The following IPP variants were observed in gnomAD, a reference collection of about 807,000 sequenced individuals.
The protein encoded by IPP is actin-binding protein IPP.
A neutral mutation model predicts 64.1 loss-of-function variants in IPP; 41 were observed. The ratio of observed to expected loss-of-function variants is 0.64; its 90% CI spans 0.50 to 0.83. The LOEUF is 0.83. Among genes scored for constraint, IPP ranks in the 40% least tolerant of loss-of-function variants. The pLI, the probability that IPP is intolerant of heterozygous loss-of-function variation, is 0.00. For synonymous variants in IPP, 214 were observed against 235.2 expected, an observed-to-expected ratio of 0.91 and a Z score of 0.83; for missense variants, 649 against 703.0, an observed-to-expected ratio of 0.92 and a Z score of 0.87.
At position 45,719,340 on chromosome 1, in the gene IPP, C is replaced by T; in HGVS notation, c.1049G>A (p.Gly350Asp). The T allele has an allele frequency of 6.3e-7, 1 of 1,582,094 alleles. No individual in the cohort carries two copies. Among genetic ancestry groups the T allele is most frequent in the Non-Finnish European group, 8.6e-7 (1 of 1,162,724 alleles). ...VLGGMVYAIG[G>D]EKDSMIFDCT... ...ATCAAAAATCATTGAATCCTTTTCA[C>T]CTGAGTTAAATAAAAGAGACAAATA... Residue 350 changes from glycine (G) to aspartate (D), a missense_variant and splice_region_variant, in exon 6 of 9, where the codon GGT (glycine) becomes GAT (aspartate). Physicochemically the swap from Gly to Asp is moderately conservative, Grantham distance 94. Coordinates refer to ENST00000396478, the MANE Select transcript of IPP (RefSeq NM_005897.3).
At chr1:45,714,806 T>G (rs201718918) in intron 7 of IPP, among the ~76,000 whole-genome samples, 1 of 151,952 alleles carries the variant, frequency 6.6e-6, no homozygotes, top group South Asian at 2.1e-4. Flanking sequence ...TTTTTTTCCC[T>G]AAAAATGTCA....
intron 3 of IPP, among the ~76,000 whole-genome samples, chr1:45,735,414 A>AAGG (rs1051606388): frequency 7.3e-5 from 11 of 151,552 alleles, no homozygotes; most frequent in Non-Finnish European, 1.0e-4. Context: ...TTGTAGAAAC[A>AAGG]AGGTCTTGCT....
chr1:45,712,298 T>TAAAAAAAAAAAAAAAAAAAAA (rs71058702), intron 8 of IPP, among the ~76,000 whole-genome samples: 2 of 131,338 alleles, frequency 1.5e-5, no homozygotes, highest in African/African-American at 2.8e-5. Flanking sequence ...AGACGACGTC[T>TAAAAAAAAAAAAAAAAAAAAA]AAAAAAAAAA....
chr1:45,742,875 A>G (rs923143426), intron 2 of IPP, among the ~76,000 whole-genome samples: 1 of 152,114 alleles, frequency 6.6e-6, no homozygotes, highest in South Asian at 2.1e-4. Context: ...AGAAACTATT[A>G]AATACTTAAC....
At position 45,710,240 on chromosome 1, in the gene IPP, A is replaced by G. The variant is rs865953180; in HGVS notation, c.1530+4006T>C. Among the ~76,000 whole-genome samples the G allele has an allele frequency of 3.2e-3, 359 of 113,310 alleles. 3 individuals carry two copies. The highest frequency in any genetic ancestry group is 6.4e-3 in the African/African-American group (196 of 30,728). The allele number at this position is 113,310 out of a possible 152,430, so 74.3% of individuals were successfully genotyped here. ...GACTCTGTCTAAAAAAAAAAAAAAA[A>G]AGAGAGAAGCTCTTTGAGCTAAGAA... On this transcript the variant is annotated intron_variant, in intron 8 of 8. Transcript: ENST00000396478.
chr1:45,735,179 G>A (rs1645960986), intron 3 of IPP, among the ~76,000 whole-genome samples: 1 of 151,838 alleles, frequency 6.6e-6, no homozygotes, highest in South Asian at 2.1e-4. Context: ...AACCTCCTGG[G>A]TTCAAGTGAT....
At chr1:45,741,511 A>C (rs1270961859) in intron 2 of IPP, among the ~76,000 whole-genome samples, 179 bp from the exon 3 acceptor site, 1 of 152,178 alleles carries the variant, frequency 6.6e-6, no homozygotes, top group Non-Finnish European at 1.5e-5. Context: ...AACGATACCT[A>C]ACACATTTAT....
chr1:45,720,714 T>C (rs561063111), intron 5 of IPP, among the ~76,000 whole-genome samples: 1 of 152,310 alleles, frequency 6.6e-6, no homozygotes, highest in East Asian at 1.9e-4. Context: ...ATATGATTAC[T>C]TGATAGAAGA....
intron 1 of IPP, among the ~76,000 whole-genome samples, chr1:45,749,497 T>C (rs537181456): frequency 2.7e-5 from 4 of 150,284 alleles, no homozygotes; most frequent in Non-Finnish European, 4.4e-5. Context: ...ATTTTTTGTT[T>C]TTTTTTTTTG....
intron 3 of IPP, among the ~76,000 whole-genome samples, chr1:45,736,075 C>T (rs1041850974): frequency 2.0e-5 from 3 of 149,730 alleles, no homozygotes; most frequent in Non-Finnish European, 3.0e-5. Context: ...CACACCACTG[C>T]GTTCTAGCTT....
chr1:45,728,733 C>T (rs1645866188), intron 4 of IPP, among the ~76,000 whole-genome samples: 1 of 152,180 alleles, frequency 6.6e-6, no homozygotes, highest in Admixed American at 6.5e-5. Flanking sequence ...TGGGCTCACA[C>T]CATCCTCCCA....
Position 45,709,432 on chromosome 1 carries a change from C to CA in IPP, c.1530+4813dup, listed in dbSNP as rs71058701. On this transcript the variant is annotated intron_variant, in intron 8 of 8. Transcript: ENST00000396478. ...TGGGCGACAGAGCAAGACTCCGTCT[C>CA]AAAAAAAAAAAAAAAAAGAGAAGCT... Among the ~76,000 whole-genome samples the CA allele has an allele frequency of 6.4e-3, 421 of 66,154 alleles. 14 individuals are homozygous for CA. The highest frequency in any genetic ancestry group is 7.8e-3 in the Non-Finnish European group (304 of 38,918). 43.4% of individuals were successfully genotyped at this position (66,154 alleles called of 152,430 possible). A position where few individuals can be genotyped will look rare whatever the true frequency, so the allele number is the denominator to read the frequency against.
At chr1:45,725,973 C>T (rs1371223089) in intron 5 of IPP, among the ~76,000 whole-genome samples, 8 of 141,250 alleles carry the variant, frequency 5.7e-5, no homozygotes, top group African/African-American at 1.8e-4. Context: ...GGGTCCTCTG[C>T]CTAGGAAAAC....
chr1:45,695,850 G>C (rs1356053306), downstream of IPP, among the ~76,000 whole-genome samples: 7 of 152,134 alleles, frequency 4.6e-5, no homozygotes, highest in African/African-American at 1.4e-4. Context: ...TGTATTTTTA[G>C]TAGAGACAGG....
Position 45,727,631 on chromosome 1 carries a change from C to G in IPP, c.1048G>C (p.Gly350Arg). Reference protein sequence around the residue: ...VLGGMVYAIGGEKDSMIFDCT... With the variant: ...VLGGMVYAIGREKDSMIFDCT... ...GAAAATAAGACATTTTTATTATTAC[C>G]TCCAATAGCGTAGACCATCCCTCCC... Residue 350 changes from glycine to arginine, a missense_variant and splice_region_variant, in exon 5 of 9, where the codon GGT (glycine) becomes CGT (arginine). Coordinates refer to ENST00000396478, the MANE Select transcript of IPP (RefSeq NM_005897.3). 6.5e-7 allele frequency: 1 copy of G among 1,528,038 alleles called. No homozygotes were observed. Among genetic ancestry groups the G allele is most frequent in the Non-Finnish European group, 8.9e-7 (1 of 1,126,500 alleles). 94.7% of individuals were successfully genotyped at this position (1,528,038 alleles called of 1,614,324 possible).
chr1:45,727,123 C>T (rs1645839758), intron 5 of IPP, among the ~76,000 whole-genome samples: 1 of 152,030 alleles, frequency 6.6e-6, no homozygotes, highest in Non-Finnish European at 1.5e-5. Context: ...GATCATGGCT[C>T]ACTGCAACCT....
intron 3 of IPP, among the ~76,000 whole-genome samples, chr1:45,731,612 GAT>G (rs1288882649): frequency 6.6e-6 from 1 of 152,122 alleles, no homozygotes; most frequent in Non-Finnish European, 1.5e-5. Context: ...GTATGAGCAA[GAT>G]ATCAAGAAAG....
chr1:45,745,279 A>C lies in IPP; in HGVS notation c.292+841T>G, dbSNP rs182740863. Among the ~76,000 whole-genome samples, 224 of 152,272 alleles carry C rather than the reference A, an allele frequency of 1.5e-3. 3 individuals carry two copies. Among genetic ancestry groups the C allele is most frequent in the African/African-American group, 5.2e-3 (217 of 41,556 alleles). On this transcript the variant is annotated intron_variant, in intron 2 of 8. Coordinates refer to ENST00000396478, the MANE Select transcript of IPP (RefSeq NM_005897.3). The stretch of plus-strand genomic sequence containing the variant: ...GTAAAATAACATATGCTGATTATAA[A>C]CACTTTGTGGAAAAAAATTACCTAC...
chr1:45,702,734 C>T (rs1645471763), intron 8 of IPP, among the ~76,000 whole-genome samples: 1 of 152,092 alleles, frequency 6.6e-6, no homozygotes, highest in Non-Finnish European at 1.5e-5. Context: ...TGATTACAGG[C>T]ATGAGCCACT....
Sources: gnomAD v4.1 joint callset for allele counts (sites outside exome capture counted in the v4.1 genomes callset) on GRCh38, gnomAD v4.1.1 for gene constraint, MANE v1.5 for transcripts, NCBI Gene and HGNC (gene_info 2026-07-23, HGNC 2026-07-21) for gene names.